The following GLUD1 variants were observed in gnomAD, a reference collection of about 807,000 sequenced individuals.
The protein encoded by GLUD1 is glutamate dehydrogenase 1.
GLUD1 carries 22 observed loss-of-function variants against 56.0 expected under a neutral mutation model. That is an observed-to-expected ratio of 0.39 (90% confidence interval 0.28 to 0.56). The LOEUF is 0.56. GLUD1 is among the 20% of genes least tolerant of loss of function. The pLI is 0.58. For synonymous variants in GLUD1, 223 were observed against 269.9 expected, an observed-to-expected ratio of 0.83 and a Z score of 1.70; for missense variants, 451 against 732.0, an observed-to-expected ratio of 0.62 and a Z score of 4.43.
intron 1 of GLUD1, among the ~76,000 whole-genome samples, chr10:87,084,645 T>C (rs1841340125): frequency 6.6e-6 from 1 of 152,210 alleles, no homozygotes; most frequent in African/African-American, 2.4e-5. Context: ...GTTTTAAAAT[T>C]ACTTGAACCT....
intron 11 of GLUD1, 89 bp from the exon 12 acceptor site, chr10:87,053,493 A>G: frequency 1.2e-6 from 1 of 840,688 alleles, no homozygotes; most frequent in South Asian, 1.4e-5. Flanking sequence ...TCAAGTCAAT[A>G]TACAACCAGA....
At chr10:87,076,472 A>G in intron 2 of GLUD1, 104 bp downstream of exon 2, 2 of 798,156 alleles carry the variant, frequency 2.5e-6, no homozygotes, top group Non-Finnish European at 2.3e-6. Context: ...TTGAAAAAAA[A>G]TCAGTTCTGA....
chr10:87,057,609 AT>A (rs1412118712), intron 11 of GLUD1, 81 bp downstream of exon 11: 2 of 810,174 alleles, frequency 2.5e-6, no homozygotes, highest in Non-Finnish European at 4.5e-6. Context: ...TATGCCGCAG[AT>A]GAAATCCATC....
intron 5 of GLUD1, among the ~76,000 whole-genome samples, chr10:87,063,139 T>C (rs1845980184): frequency 6.6e-6 from 1 of 152,014 alleles, no homozygotes; most frequent in Non-Finnish European, 1.5e-5. Context: ...AATGGTGAGA[T>C]CTTGGCTCAT....
intron 3 of GLUD1, 65 bp downstream of exon 3, chr10:87,075,903 G>A (rs1389817487): frequency 8.3e-6 from 9 of 1,086,978 alleles, no homozygotes; most frequent in Admixed American, 1.7e-5. Context: ...AACAGAGGAA[G>A]ACTCTGTCTC....
At chr10:87,089,683 GTCT>G (rs1469236521) in intron 1 of GLUD1, 59 of 980,964 alleles carry the variant, frequency 6.0e-5, no homozygotes, top group Non-Finnish European at 6.8e-5. Flanking sequence ...CTCCTAGTTT[GTCT>G]TCTTGTCCTT....
intron 1 of GLUD1, among the ~76,000 whole-genome samples, chr10:87,090,399 G>A (rs933923584): frequency 2.6e-5 from 4 of 152,084 alleles, no homozygotes; most frequent in African/African-American, 9.7e-5. Flanking sequence ...TGGATAATGA[G>A]TGAGCAGCTG....
chr10:87,061,071 C>T lies in GLUD1; in HGVS notation c.922-19G>A. The T allele has an allele frequency of 1.9e-6, 3 of 1,610,272 alleles. No individual in the cohort carries two copies. The highest frequency in any genetic ancestry group is 2.5e-6 in the Non-Finnish European group (3 of 1,176,592). On this transcript the variant is annotated intron_variant, in intron 6 of 12. Transcript: ENST00000277865. ...CAAATCCCTGTGAAGAACAATTACC[C>T]ATAACACAAAAATTAAAGTCCTGGT...
At chr10:87,093,908 C>T (rs1841619765) in intron 1 of GLUD1, 1 of 1,324,788 alleles carries the variant, frequency 7.5e-7, no homozygotes, top group Non-Finnish European at 9.9e-7. Flanking sequence ...AATAATTTGA[C>T]AGCTTGCATT....
At chr10:87,081,389 G>A (rs1841248391) in intron 1 of GLUD1, among the ~76,000 whole-genome samples, 1 of 151,956 alleles carries the variant, frequency 6.6e-6, no homozygotes, top group African/African-American at 2.4e-5. Context: ...CTGCCCGGCC[G>A]CCCCTACTGG....
Position 87,077,969 on chromosome 10 carries a change from A to G in GLUD1, c.446-1313T>C, listed in dbSNP as rs111620883. On this transcript the variant is annotated intron_variant, in intron 1 of 12. Transcript: ENST00000277865. ...AAGTTTTTCAGATAGAAAATATACA[A>G]TATCTCATGGACTGGCAGTTTGAGA... Among the ~76,000 whole-genome samples the G allele has an allele frequency of 3.0e-3, 454 of 152,312 alleles. 3 individuals carry two copies. Among genetic ancestry groups the G allele is most frequent in the African/African-American group, 0.01 (436 of 41,560 alleles).
rs140454572 is a variant in GLUD1, at chr10:87,088,100, A to C, written c.445+6225T>G. ...CTGTTTCAAAAAAAAAACAAACAAA[A>C]AAACAAATAAACAAACAAGATTGTC... On this transcript the variant is annotated intron_variant, in intron 1 of 12. Coordinates refer to ENST00000277865, the MANE Select transcript of GLUD1 (RefSeq NM_005271.5). Among the ~76,000 whole-genome samples, 230 of 151,864 alleles carry C rather than the reference A, an allele frequency of 1.5e-3. 3 individuals carry two copies. The East Asian group carries it at 0.021, about 14-fold the overall frequency.
At chr10:87,087,016 CA>C (rs1841400604) in intron 1 of GLUD1, among the ~76,000 whole-genome samples, 1 of 152,104 alleles carries the variant, frequency 6.6e-6, no homozygotes, top group Non-Finnish European at 1.5e-5. Flanking sequence ...GGCTCAGTCG[CA>C]CAAGACTGTT....
At chr10:87,068,963 C>A (rs1191578154) in intron 4 of GLUD1, among the ~76,000 whole-genome samples, 1 of 148,648 alleles carries the variant, frequency 6.7e-6, no homozygotes, top group African/African-American at 2.5e-5. Flanking sequence ...ATCTTGTATG[C>A]CAATTAAATG....
intron 1 of GLUD1, among the ~76,000 whole-genome samples, chr10:87,079,986 G>A (rs1417717817): frequency 2.1e-5 from 3 of 142,546 alleles, no homozygotes; most frequent in Non-Finnish European, 3.0e-5. Context: ...CTCTGATGCC[G>A]AGCGGAAGCT....
chr10:87,070,267 AC>A (rs1436066923), intron 4 of GLUD1, among the ~76,000 whole-genome samples: 3 of 151,820 alleles, frequency 2.0e-5, no homozygotes, highest in Non-Finnish European at 4.4e-5. Context: ...AGCCTGGGCA[AC>A]ATAGTGAGAT....
At chr10:87,072,760 A>G (rs1846273731) in intron 4 of GLUD1, among the ~76,000 whole-genome samples, 1 of 152,258 alleles carries the variant, frequency 6.6e-6, no homozygotes, top group Non-Finnish European at 1.5e-5. Context: ...ATGACTGAAT[A>G]AAGTCTGAAA....
intron 1 of GLUD1, among the ~76,000 whole-genome samples, chr10:87,084,986 C>G (rs142769060): frequency 6.6e-6 from 1 of 152,190 alleles, no homozygotes; most frequent in Non-Finnish European, 1.5e-5. Flanking sequence ...TGAAATACTA[C>G]GTCTCAGATA....
intron 1 of GLUD1, among the ~76,000 whole-genome samples, chr10:87,093,407 A>T (rs1449845788): frequency 6.6e-6 from 1 of 150,512 alleles, no homozygotes; most frequent in South Asian, 2.1e-4. Context: ...TATTGGGGGG[A>T]AAAAAGCTCT....
Sources: allele counts gnomAD v4.1 joint callset (sites outside exome capture counted in the v4.1 genomes callset), GRCh38; gene constraint gnomAD v4.1.1; transcripts MANE v1.5; gene names NCBI Gene and HGNC (gene_info 2026-07-23, HGNC 2026-07-21).